Variants in ATP10D observed in about 807,000 individuals in gnomAD.
The protein encoded by ATP10D is ATPase phospholipid transporting 10D (putative).
In ATP10D, 89 loss-of-function variants were observed where a neutral mutation model predicts 144.8. The ratio of observed to expected loss-of-function variants is 0.61; its 90% CI spans 0.52 to 0.73. ATP10D has a LOEUF of 0.73. Among genes scored for constraint, ATP10D ranks in the 30% least tolerant of loss-of-function variants. The pLI, the probability that ATP10D is intolerant of heterozygous loss-of-function variation, is 0.00. For synonymous variants in ATP10D, 571 were observed against 615.1 expected (o/e 0.93, Z 1.06); for missense variants, 1,603 against 1,714.8 (o/e 0.93, Z 1.15).
chr4:47,590,927 G>T, intron 22 of ATP10D, 115 bp from the exon 23 acceptor site: 1 of 655,218 alleles, frequency 1.5e-6, no homozygotes, highest in East Asian at 2.8e-5. Context: ...CTTTATTTCA[G>T]GAGCCAAGTG....
chr4:47,526,408 G>A (rs150439707), intron 5 of ATP10D, among the ~76,000 whole-genome samples: 63 of 152,210 alleles, frequency 4.1e-4, no homozygotes, highest in Non-Finnish European at 7.2e-4. Context: ...GAAGTAGAAG[G>A]GAACTTAATC....
chr4:47,584,538 G>A (rs565075131), intron 21 of ATP10D, among the ~76,000 whole-genome samples: 1 of 151,876 alleles, frequency 6.6e-6, no homozygotes, highest in African/African-American at 2.4e-5. Flanking sequence ...GACTACAGGC[G>A]CCCACCACCA....
rs765697672 is a variant in ATP10D, at chr4:47,546,902, A to G, written c.1635+40A>G. 34 of 1,548,126 alleles carry G rather than the reference A, an allele frequency of 2.2e-5. No homozygotes were observed. The African/African-American group carries it at 4.1e-4, about 19-fold the overall frequency. On this transcript the variant is annotated intron_variant, in intron 10 of 22. Coordinates refer to ENST00000273859, the MANE Select transcript of ATP10D (RefSeq NM_020453.4). ...ATGACTAGAGTCTTGCACATCCACAATGTATGATGAGAGAACAGCCTTGTA... is the reference window on the plus strand; with the variant it reads ...ATGACTAGAGTCTTGCACATCCACAGTGTATGATGAGAGAACAGCCTTGTA...
intron 21 of ATP10D, among the ~76,000 whole-genome samples, chr4:47,585,633 C>T (rs562721679): frequency 6.6e-6 from 1 of 152,228 alleles, no homozygotes; most frequent in South Asian, 2.1e-4. Flanking sequence ...CCCCACCTCC[C>T]CTGATACCTC....
intron 2 of ATP10D, among the ~76,000 whole-genome samples, chr4:47,514,521 G>A (rs1226023023): frequency 6.6e-6 from 1 of 152,160 alleles, no homozygotes; most frequent in Non-Finnish European, 1.5e-5. Flanking sequence ...GGAAAAATAT[G>A]TTATCAAAAT....
chr4:47,584,378 T>A (rs1720680289), intron 21 of ATP10D, among the ~76,000 whole-genome samples: 1 of 151,940 alleles, frequency 6.6e-6, no homozygotes, highest in African/African-American at 2.4e-5. Flanking sequence ...TTGTTGTTGT[T>A]TTTTGTTTGT....
intron 6 of ATP10D, 133 bp from the exon 7 acceptor site, chr4:47,535,769 A>C: frequency 7.5e-7 from 1 of 1,330,830 alleles, no homozygotes; most frequent in Non-Finnish European, 1.0e-6. Flanking sequence ...GGATCACAAA[A>C]GCAGATTGAA....
chr4:47,491,936 G>A (rs551083961), intron 1 of ATP10D, among the ~76,000 whole-genome samples: 1 of 152,060 alleles, frequency 6.6e-6, no homozygotes, highest in Non-Finnish European at 1.5e-5. Context: ...TACTTGACCT[G>A]TTCTGGGGCT....
intron 5 of ATP10D, among the ~76,000 whole-genome samples, chr4:47,526,735 A>G (rs1204064499): frequency 6.6e-6 from 1 of 152,198 alleles, no homozygotes; most frequent in Non-Finnish European, 1.5e-5. Flanking sequence ...ATTAGCAGAT[A>G]TTGAAATTTT....
intron 9 of ATP10D, among the ~76,000 whole-genome samples, chr4:47,537,162 C>T (rs754999688): frequency 1.4e-4 from 21 of 151,998 alleles, no homozygotes; most frequent in African/African-American, 3.1e-4. Context: ...AAGTAAATTA[C>T]TAGTGGAAGT....
intron 1 of ATP10D, among the ~76,000 whole-genome samples, chr4:47,499,036 T>C (rs1263313740): frequency 1.3e-5 from 2 of 152,236 alleles, no homozygotes; most frequent in African/African-American, 4.8e-5. Flanking sequence ...GTGTGCTAGC[T>C]TCATTTTGAA....
At chr4:47,579,556 C>A (rs1215298161) in intron 19 of ATP10D, among the ~76,000 whole-genome samples, 1 of 152,156 alleles carries the variant, frequency 6.6e-6, no homozygotes, top group Admixed American at 6.5e-5. Flanking sequence ...AGGAAATGCT[C>A]ATGTAGGAGG....
chr4:47,503,342 T>A (rs142646193), intron 1 of ATP10D, among the ~76,000 whole-genome samples: 435 of 152,342 alleles, frequency 2.9e-3, no homozygotes, highest in African/African-American at 9.9e-3. Flanking sequence ...CCACAGTGTC[T>A]GGCATATGGT....
intron 16 of ATP10D, among the ~76,000 whole-genome samples, chr4:47,571,250 TTATAACATAA>T (rs892862405): frequency 6.7e-6 from 1 of 149,366 alleles, no homozygotes; most frequent in African/African-American, 2.4e-5. Flanking sequence ...GATAACATAA[TTATAACATAA>T]TTATATTATA....
At chr4:47,580,317 A>T in intron 19 of ATP10D, 81 bp from the exon 20 acceptor site, 1 of 1,112,122 alleles carries the variant, frequency 9.0e-7, no homozygotes, top group Non-Finnish European at 1.4e-6. Context: ...AGAGAAACAA[A>T]TGTAAGTACT....
chr4:47,535,384 T>C (rs1427788154), intron 5 of ATP10D, 125 bp from the exon 6 acceptor site: 1 of 669,406 alleles, frequency 1.5e-6, no homozygotes, highest in Non-Finnish European at 2.4e-6. Context: ...GGGCCAGAGA[T>C]TTGAAAACTT....
intron 1 of ATP10D, among the ~76,000 whole-genome samples, chr4:47,504,765 G>C (rs36044948): frequency 0.055 from 8,351 of 152,154 alleles, 294 homozygotes; most frequent in Middle Eastern, 0.11. Flanking sequence ...GGGTTTCACC[G>C]TGTTAGCCAA....
rs777038102 is a variant in ATP10D, at chr4:47,542,963, A to ATTGAT, written c.1397-3661_1397-3660insTTGAT. 6.9e-3 allele frequency among the ~76,000 whole-genome samples: 1,046 copies of ATTGAT among 152,286 alleles called. 8 individuals carry two copies. The highest frequency in any genetic ancestry group is 9.2e-3 in the Non-Finnish European group (629 of 68,022). Reference sequence around the variant, plus strand: ...TTCCCTAATGATGGCTAGGAGTTACACGATCATTAAATATAGCCTCCATGT... The same window carrying ATTGAT: ...TTCCCTAATGATGGCTAGGAGTTACATTGATCGATCATTAAATATAGCCTCCATGT... On this transcript the variant is annotated intron_variant, in intron 9 of 22. Transcript: ENST00000273859.
At chr4:47,580,827 T>G (rs2109474092) in intron 20 of ATP10D, among the ~76,000 whole-genome samples, 1 of 152,292 alleles carries the variant, frequency 6.6e-6, no homozygotes, top group African/African-American at 2.4e-5. Context: ...TTTGGGAGGC[T>G]GAGGCAGTTG....
Sources: allele counts gnomAD v4.1 joint callset (sites outside exome capture counted in the v4.1 genomes callset), GRCh38; gene constraint gnomAD v4.1.1; transcripts MANE v1.5; gene names NCBI Gene and HGNC (gene_info 2026-07-23, HGNC 2026-07-21).